Variants in FAR2 observed in about 807,000 individuals in gnomAD.
FAR2 encodes the protein epididymis secretory protein Li 81.
A neutral mutation model predicts 56.0 loss-of-function variants in FAR2; 19 were observed. The ratio of observed to expected loss-of-function variants is 0.34; its 90% CI spans 0.24 to 0.50. The LOEUF (loss-of-function observed/expected upper bound fraction) is 0.50. FAR2 is among the 20% of genes least tolerant of loss of function. The pLI, the probability that FAR2 is intolerant of heterozygous loss-of-function variation, is 0.98. For synonymous variants in FAR2, 219 were observed against 218.8 expected, an observed-to-expected ratio of 1.00 and a Z score of -0.01; for missense variants, 508 against 642.2, an observed-to-expected ratio of 0.79 and a Z score of 2.26.
At chr12:29,322,687 A>C (rs1383621052) in intron 10 of FAR2, among the ~76,000 whole-genome samples, 1 of 152,070 alleles carries the variant, frequency 6.6e-6, no homozygotes, top group Non-Finnish European at 1.5e-5. Context: ...TAAGGTTTTC[A>C]CTCCATATTG....
intron 10 of FAR2, chr12:29,331,336 C>G (rs1161176981): frequency 6.6e-6 from 1 of 151,856 alleles, no homozygotes; most frequent in African/African-American, 2.4e-5. Context: ...CCTCCACTTG[C>G]TAAGATTTAT....
rs1949102537 is a variant in FAR2, at chr12:29,298,186, C to T, written c.545+986C>T. ...AAATAATGTCTAGGATTTTTCTCTT[C>T]TTGCCAATGAGCAGAAACCACTTTC... On this transcript the variant is annotated intron_variant, in intron 4 of 11. Coordinates refer to ENST00000536681, the MANE Select transcript of FAR2 (RefSeq NM_001271783.2). 5.9e-5 allele frequency among the ~76,000 whole-genome samples: 9 copies of T among 151,986 alleles called. No homozygotes were observed. The South Asian group carries it at 1.9e-3, about 32-fold the overall frequency.
At chr12:29,174,426 T>A in intron 1 of FAR2, among the ~76,000 whole-genome samples, 1 of 51,170 alleles carries the variant, frequency 2.0e-5, no homozygotes, top group South Asian at 9.3e-4. Flanking sequence ...TTTTATTCTT[T>A]TTTTTTTTTT....
chr12:29,149,925 C>A (rs1464671094), intron 1 of FAR2, among the ~76,000 whole-genome samples: 3 of 152,200 alleles, frequency 2.0e-5, no homozygotes, highest in South Asian at 2.1e-4. Context: ...GTCCCCGGAG[C>A]AGGTCCTCGC....
chr12:29,206,692 T>C (rs190025653), intron 1 of FAR2, among the ~76,000 whole-genome samples: 5 of 152,224 alleles, frequency 3.3e-5, no homozygotes, highest in South Asian at 2.1e-4. Context: ...AAGTGTTAAA[T>C]AGGAATAAAA....
chr12:29,169,727 G>A (rs926786512), intron 1 of FAR2, among the ~76,000 whole-genome samples: 3 of 152,214 alleles, frequency 2.0e-5, no homozygotes, highest in Non-Finnish European at 2.9e-5. Flanking sequence ...GTCTATTTGG[G>A]ATTGTAGAGT....
chr12:29,166,605 A>T (rs34339523), intron 1 of FAR2, among the ~76,000 whole-genome samples: 6,017 of 152,278 alleles, frequency 0.04, 356 homozygotes, highest in African/African-American at 0.13. Context: ...TATTCTTAAC[A>T]TTGAAGTCCA....
chr12:29,297,104 A>G lies in FAR2; in HGVS notation c.449A>G (p.His150Arg), dbSNP rs1949085118. 2.5e-6 allele frequency: 4 copies of G among 1,614,014 alleles called. No homozygotes were observed. The highest frequency in any genetic ancestry group is 2.5e-6 in the Non-Finnish European group (3 of 1,179,914). The stretch of plus-strand genomic sequence containing the variant: ...ATGCCAAAGCTGGAAGCCTTTATAC[A>G]TATCTCTACTGCCTATTCAAATTGT... ...SQMPKLEAFI[H>R]ISTAYSNCNL... The change falls in exon 4 of 12, where the codon CAT (histidine) becomes CGT (arginine). Residue 150 changes from histidine (H) to arginine (R), a missense_variant. Physicochemically the swap from His to Arg is conservative, Grantham distance 29. Transcript: ENST00000536681.
Position 29,250,779 on chromosome 12 carries a change from A to G in FAR2, c.-38-19633A>G, listed in dbSNP as rs189192470. 3.3e-5 allele frequency among the ~76,000 whole-genome samples: 5 copies of G among 152,308 alleles called. No individual in the cohort carries two copies. In the East Asian group the frequency reaches 9.6e-4, roughly 29 times the overall value. ...AGTGAATGTGTTAGGAGAAAATATA[A>G]TGGATTAATTTTGTGTAAACTTGGC... On this transcript the variant is annotated intron_variant, in intron 1 of 11. Coordinates refer to ENST00000536681, the MANE Select transcript of FAR2 (RefSeq NM_001271783.2).
At position 29,168,346 on chromosome 12, in the gene FAR2, T is replaced by C. The variant is rs144615138; in HGVS notation, c.-39+18939T>C. Among the ~76,000 whole-genome samples, 13 of 152,354 alleles carry C rather than the reference T, an allele frequency of 8.5e-5. No homozygotes were observed. The East Asian group carries it at 2.5e-3, about 29-fold the overall frequency. ...CAAATTACCCTGATGATATTTCTGG[T>C]CAGCTCATTTCTGGGGATGGAGAGC... On this transcript the variant is annotated intron_variant, in intron 1 of 11. Transcript: ENST00000536681.
chr12:29,317,042 T>A (rs759110689), intron 9 of FAR2, 30 bp downstream of exon 9: 28 of 1,595,970 alleles, frequency 1.8e-5, no homozygotes, highest in South Asian at 3.3e-5. Flanking sequence ...GCTTTGAGAG[T>A]GTCACTGCAT....
intron 1 of FAR2, among the ~76,000 whole-genome samples, chr12:29,159,939 G>A (rs1949766918): frequency 6.6e-6 from 1 of 152,190 alleles, no homozygotes; most frequent in African/African-American, 2.4e-5. Flanking sequence ...TCTAAGATAA[G>A]TGGAAAAACC....
At chr12:29,307,898 CT>C in intron 5 of FAR2, 63 bp downstream of exon 5, 1 of 1,486,382 alleles carries the variant, frequency 6.7e-7, no homozygotes, top group Non-Finnish European at 9.1e-7. Context: ...AGTCCAATTA[CT>C]TTCTGATGTC....
chr12:29,211,019 ATG>A (rs545595467), intron 1 of FAR2, among the ~76,000 whole-genome samples: 4 of 150,776 alleles, frequency 2.7e-5, no homozygotes, highest in Admixed American at 2.0e-4. Flanking sequence ...GTGTGTGTGT[ATG>A]TGTGTGTGTG....
intron 1 of FAR2, among the ~76,000 whole-genome samples, chr12:29,238,121 T>G (rs1947968690): frequency 6.6e-6 from 1 of 152,178 alleles, no homozygotes; most frequent in African/African-American, 2.4e-5. Context: ...TGCCAAGTTT[T>G]GGGTATATTA....
chr12:29,272,125 C>G (rs560211262), intron 2 of FAR2, among the ~76,000 whole-genome samples: 1 of 152,182 alleles, frequency 6.6e-6, no homozygotes, highest in Non-Finnish European at 1.5e-5. Flanking sequence ...TTGATCTTCT[C>G]ATGGAGTATC....
chr12:29,275,150 A>C (rs1029525568), intron 2 of FAR2, among the ~76,000 whole-genome samples: 9 of 151,040 alleles, frequency 6.0e-5, no homozygotes, highest in African/African-American at 2.2e-4. Context: ...AGGCGGGCTG[A>C]GTCCGAAAAG....
chr12:29,277,406 C>T (rs1485084475), intron 2 of FAR2: 2 of 152,170 alleles, frequency 1.3e-5, no homozygotes, highest in Admixed American at 1.3e-4. Context: ...ACAAATATGA[C>T]AAGTATTTAT....
intron 1 of FAR2, among the ~76,000 whole-genome samples, chr12:29,157,693 T>C (rs1355248032): frequency 1.3e-5 from 2 of 152,176 alleles, no homozygotes; most frequent in Non-Finnish European, 2.9e-5. Flanking sequence ...AATCGTGCAC[T>C]ATTTATCACA....
Sources: allele counts gnomAD v4.1 joint callset (sites outside exome capture counted in the v4.1 genomes callset), GRCh38; gene constraint gnomAD v4.1.1; transcripts MANE v1.5; gene names NCBI Gene and HGNC (gene_info 2026-07-23, HGNC 2026-07-21).